Variants in PPP4R3B observed in about 807,000 individuals in gnomAD.
PPP4R3B encodes the protein serine/threonine-protein phosphatase 4 regulatory subunit 3B.
PPP4R3B carries 52 observed loss-of-function variants against 95.4 expected under a neutral mutation model. The ratio of observed to expected loss-of-function variants is 0.54; its 90% CI spans 0.44 to 0.69. PPP4R3B has a LOEUF of 0.69. Among genes scored for constraint, PPP4R3B ranks in the 30% least tolerant of loss-of-function variants. The pLI, the probability that PPP4R3B is intolerant of heterozygous loss-of-function variation, is 0.00. For missense variants in PPP4R3B, 1,003 were observed against 1,005.9 expected, an observed-to-expected ratio of 1.00 and a Z score of 0.04; for synonymous variants, 407 against 343.9, an observed-to-expected ratio of 1.18 and a Z score of -2.03.
intron 2 of PPP4R3B, among the ~76,000 whole-genome samples, chr2:55,608,249 C>T (rs747379882): frequency 5.3e-5 from 8 of 152,222 alleles, no homozygotes; most frequent in Non-Finnish European, 7.3e-5. Context: ...AGGTGATCTG[C>T]CAGCCTTGGG....
intron 15 of PPP4R3B, among the ~76,000 whole-genome samples, chr2:55,561,041 A>C (rs376052717): frequency 6.6e-6 from 1 of 152,172 alleles, no homozygotes; most frequent in South Asian, 2.1e-4. Flanking sequence ...CCAGAGGCCT[A>C]GGAGGGAAAA....
At position 55,585,105 on chromosome 2, in the gene PPP4R3B, A is replaced by G. The variant is rs146252187; in HGVS notation, c.1179T>C (p.Phe393=). The G allele has an allele frequency of 3.7e-6, 6 of 1,611,774 alleles. No homozygotes were observed. The African/African-American group carries it at 8.0e-5, about 22-fold the overall frequency. ...ATDIFSYLVE[F]SPSMVREFVM... ...CAAACTCTCGGACCATAGATGGACTAAATTCTACTAGATAAGAAAATATAT... is the reference window on the plus strand; with the variant it reads ...CAAACTCTCGGACCATAGATGGACTGAATTCTACTAGATAAGAAAATATAT... Residue 393 remains phenylalanine (F), a synonymous_variant, in exon 7 of 17, where the codon TTT becomes TTC. Coordinates refer to ENST00000616407, the MANE Select transcript of PPP4R3B (RefSeq NM_001122964.3).
intron 16 of PPP4R3B, among the ~76,000 whole-genome samples, chr2:55,556,522 T>C (rs1685863673): frequency 6.6e-6 from 1 of 151,994 alleles, no homozygotes; most frequent in East Asian, 1.9e-4. Flanking sequence ...GCTAAAAGAG[T>C]TCAAAGGTAT....
chr2:55,564,252 A>T, intron 15 of PPP4R3B, 61 bp downstream of exon 15: 1 of 1,407,220 alleles, frequency 7.1e-7, no homozygotes, highest in East Asian at 2.5e-5. Flanking sequence ...TCACAAAGCA[A>T]CAAAATAATT....
At chr2:55,605,739 C>G (rs1406101790) in intron 2 of PPP4R3B, among the ~76,000 whole-genome samples, 1 of 151,972 alleles carries the variant, frequency 6.6e-6, no homozygotes, top group Non-Finnish European at 1.5e-5. Flanking sequence ...AACCCCGTCT[C>G]TACTAAAAAT....
At chr2:55,577,030 T>A (rs1382861633) in intron 11 of PPP4R3B, among the ~76,000 whole-genome samples, 2 of 152,216 alleles carry the variant, frequency 1.3e-5, no homozygotes, top group African/African-American at 2.4e-5. Flanking sequence ...TTGGTTTTAG[T>A]TTACTACATT....
intron 12 of PPP4R3B, 83 bp from the exon 13 acceptor site, chr2:55,568,446 T>C (rs1046973584): frequency 1.2e-5 from 13 of 1,094,038 alleles, no homozygotes; most frequent in African/African-American, 9.6e-5. Context: ...CATAAAGCAA[T>C]GTATATGCTC....
At position 55,564,335 on chromosome 2, in the gene PPP4R3B, T is replaced by C. The variant is rs1687006771; in HGVS notation, c.2238A>G (p.Glu746=). 1 of 1,613,386 alleles carries C rather than the reference T, an allele frequency of 6.2e-7. No individual in the cohort carries two copies. The highest frequency in any genetic ancestry group is 1.1e-5 in the South Asian group (1 of 90,998). Residue 746 remains glutamate, a synonymous_variant, in exon 15 of 17, where the codon GAA becomes GAG. Coordinates refer to ENST00000616407, the MANE Select transcript of PPP4R3B (RefSeq NM_001122964.3). ...KPEDDFPDNY[E]KFMETKKAKE... is the part of the protein sequence containing the mutation. ...TACCTTTTTTAGTCTCCATAAACTTTTCATAATTATCTGGAAAATCATCTT... is the reference window on the plus strand; with the variant it reads ...TACCTTTTTTAGTCTCCATAAACTTCTCATAATTATCTGGAAAATCATCTT...
intron 11 of PPP4R3B, 50 bp downstream of exon 11, chr2:55,577,265 A>G: frequency 1.3e-6 from 2 of 1,513,714 alleles, no homozygotes; most frequent in South Asian, 2.7e-5. Context: ...CTTAGAGTAG[A>G]AAAAAGTTTA....
At chr2:55,573,219 C>A (rs1188202779) in intron 12 of PPP4R3B, among the ~76,000 whole-genome samples, 1 of 152,058 alleles carries the variant, frequency 6.6e-6, no homozygotes, top group East Asian at 1.9e-4. Flanking sequence ...TCTTTCTCTG[C>A]TTGCAGGTGA....
intron 7 of PPP4R3B, among the ~76,000 whole-genome samples, chr2:55,582,673 A>C (rs938494146): frequency 3.3e-5 from 5 of 152,216 alleles, no homozygotes; most frequent in Non-Finnish European, 5.9e-5. Flanking sequence ...AGATCAAGAA[A>C]ACATTAGCAT....
intron 3 of PPP4R3B, among the ~76,000 whole-genome samples, chr2:55,600,192 C>A (rs1391441954): frequency 6.6e-6 from 1 of 151,872 alleles, no homozygotes; most frequent in African/African-American, 2.4e-5. Context: ...TTTGGGAGGC[C>A]AAGTTGGGCG....
rs142775723 is a variant in PPP4R3B, at chr2:55,617,274, C to T, written c.12G>A (p.Thr4=). The stretch of plus-strand genomic sequence containing the variant: ...GGGTATAGACCTTCACTCGCCGCCG[C>T]GTATCCGACATGGTGGCTGCTGTCT... The part of the protein sequence containing the change: MSD[T]RRRVKVYTLN... Residue 4 remains threonine (T), a synonymous_variant, in exon 1 of 17, where the codon ACG becomes ACA. Coordinates refer to ENST00000616407, the MANE Select transcript of PPP4R3B (RefSeq NM_001122964.3). 1.9e-6 allele frequency: 3 copies of T among 1,596,784 alleles called. No individual in the cohort carries two copies. Among genetic ancestry groups the T allele is most frequent in the African/African-American group, 1.3e-5 (1 of 74,204 alleles).
chr2:55,584,990 A>T, intron 7 of PPP4R3B, 61 bp downstream of exon 7: 2 of 1,147,892 alleles, frequency 1.7e-6, no homozygotes, highest in African/African-American at 1.6e-5. Context: ...TTCTCTCAAT[A>T]GTTTGCAAAC....
intron 4 of PPP4R3B, among the ~76,000 whole-genome samples, chr2:55,595,068 T>C (rs1282639278): frequency 3.3e-5 from 5 of 149,892 alleles, no homozygotes; most frequent in African/African-American, 9.8e-5. Flanking sequence ...TCTGTCACCC[T>C]GGCTGGAGTA....
chr2:55,617,472 C>T lies in PPP4R3B; in HGVS notation c.-187G>A, dbSNP rs867525230. 3.5e-6 allele frequency: 2 copies of T among 571,100 alleles called. No homozygotes were observed. 35.4% of individuals were successfully genotyped at this position (571,100 alleles called of 1,614,324 possible). A position where few individuals can be genotyped will look rare whatever the true frequency, so the allele number is the denominator to read the frequency against. On this transcript the variant is annotated 5_prime_UTR_variant, in exon 1 of 17. Coordinates refer to ENST00000616407, the MANE Select transcript of PPP4R3B (RefSeq NM_001122964.3). ...GGTGACAAGAGCCACTGAGGCCTCT[C>T]CGCCCGGAGGCCCCGTTACCTCTCA... is the stretch of plus-strand genomic sequence containing the variant.
chr2:55,564,904 G>T lies in PPP4R3B; in HGVS notation c.2073C>A (p.Asn691Lys), dbSNP rs1410767725. 1.9e-6 allele frequency: 3 copies of T among 1,609,110 alleles called. No individual in the cohort carries two copies. Among genetic ancestry groups the T allele is most frequent in the Non-Finnish European group, 1.7e-6 (2 of 1,178,328 alleles). The change falls in exon 14 of 17, where the codon AAC becomes AAA. Residue 691 changes from asparagine to lysine, a missense_variant and splice_region_variant. Around this residue, in one of 3 missense-constraint regions of PPP4R3B, gnomAD observed 229 missense variants for 194.7 expected, o/e 1.18. Coordinates refer to ENST00000616407, the MANE Select transcript of PPP4R3B (RefSeq NM_001122964.3). ...QEKDRQNQKL[N>K]SVPSILRSNR... ...AAAGCAGTATACTTAAACAATACCT[G>T]TTCAGTTTCTGATTTTGTCTGTCTT...
intron 12 of PPP4R3B, among the ~76,000 whole-genome samples, chr2:55,571,702 T>C (rs920150265): frequency 1.2e-4 from 18 of 152,228 alleles, no homozygotes; most frequent in Admixed American, 4.6e-4. Context: ...TTCAGCTCAC[T>C]GCAACCCCCG....
At chr2:55,581,491 G>A in intron 8 of PPP4R3B, 76 bp downstream of exon 8, 1 of 1,435,178 alleles carries the variant, frequency 7.0e-7, no homozygotes, top group Non-Finnish European at 9.4e-7. Flanking sequence ...TAAAATACTT[G>A]TTTCTCAAAA....
Sources: gnomAD v4.1 joint callset for allele counts (sites outside exome capture counted in the v4.1 genomes callset) on GRCh38, gnomAD v4.1.1 for gene constraint, gnomAD v4.1.1 regional missense constraint, MANE v1.5 for transcripts, NCBI Gene and HGNC (gene_info 2026-07-23, HGNC 2026-07-21) for gene names.